The following ATXN7L1 variants were observed in gnomAD, a reference collection of about 807,000 sequenced individuals.
The protein encoded by ATXN7L1 is ataxin-7-like protein 1.
A neutral mutation model predicts 70.8 loss-of-function variants in ATXN7L1; 15 were observed. The observed-to-expected ratio is 0.21, with a 90% CI of 0.14 to 0.33. The LOEUF (loss-of-function observed/expected upper bound fraction) is 0.33. ATXN7L1 is among the 10% of genes least tolerant of loss of function. The pLI is 1.00. For synonymous variants in ATXN7L1, 440 were observed against 445.1 expected (o/e 0.99, Z 0.14); for missense variants, 975 against 1,097.1 (o/e 0.89, Z 1.57).
intron 4 of ATXN7L1, among the ~76,000 whole-genome samples, chr7:105,647,445 C>T (rs1244046976): frequency 6.6e-6 from 1 of 152,178 alleles, no homozygotes; most frequent in African/African-American, 2.4e-5. Flanking sequence ...GTCAGGAGTT[C>T]AAGACCAGCC....
chr7:105,642,030 A>G (rs567995166), intron 5 of ATXN7L1, among the ~76,000 whole-genome samples: 13 of 152,338 alleles, frequency 8.5e-5, no homozygotes, highest in African/African-American at 2.9e-4. Flanking sequence ...GGCCACCATC[A>G]GGGAGTGCCC....
At chr7:105,872,333 T>C (rs1451552874) in intron 2 of ATXN7L1, among the ~76,000 whole-genome samples, 1 of 152,168 alleles carries the variant, frequency 6.6e-6, no homozygotes, top group Non-Finnish European at 1.5e-5. Context: ...GCCTAACTTC[T>C]CTTCCTGAGT....
rs117350118 is a variant in ATXN7L1 at position 105,799,233 on chromosome 7, C to T, written c.251-10525G>A. 2.0e-5 allele frequency among the ~76,000 whole-genome samples: 3 copies of T among 152,348 alleles called. No homozygotes were observed. In the East Asian group the frequency reaches 5.8e-4, roughly 29 times the overall value. ...GGCCTTTGCCAGTGGGACTGCATCG[C>T]AGCAGGCCTCAGCTGTCAAGCTATT... On this transcript the variant is annotated intron_variant, in intron 2 of 11. Coordinates refer to ENST00000419735, the MANE Select transcript of ATXN7L1 (RefSeq NM_020725.2).
intron 3 of ATXN7L1, among the ~76,000 whole-genome samples, chr7:105,692,370 T>TTCC (rs1791006818): frequency 1.7e-4 from 16 of 94,604 alleles, no homozygotes; most frequent in African/African-American, 6.0e-4. Context: ...AATTTCTTTC[T>TTCC]TTCCTTCCTT....
intron 8 of ATXN7L1, among the ~76,000 whole-genome samples, chr7:105,622,501 C>T (rs1795080164): frequency 6.6e-6 from 1 of 152,252 alleles, no homozygotes; most frequent in Non-Finnish European, 1.5e-5. Context: ...GTGGCAGACC[C>T]TACTGGTTGC....
intron 3 of ATXN7L1, among the ~76,000 whole-genome samples, chr7:105,745,718 AG>A (rs1798512777): frequency 6.6e-6 from 1 of 152,128 alleles, no homozygotes; most frequent in South Asian, 2.1e-4. Flanking sequence ...GCCTGTTGGG[AG>A]GGGCAGGAGG....
intron 3 of ATXN7L1, 44 bp downstream of exon 3, chr7:105,788,560 G>A: frequency 1.3e-6 from 2 of 1,483,318 alleles, no homozygotes; most frequent in Non-Finnish European, 1.9e-6. Flanking sequence ...CTGTCCCCAG[G>A]GCGGCAGCTG....
At chr7:105,833,584 A>G (rs1449737095) in intron 2 of ATXN7L1, among the ~76,000 whole-genome samples, 1 of 150,772 alleles carries the variant, frequency 6.6e-6, no homozygotes, top group South Asian at 2.1e-4. Context: ...AATGTTCTAT[A>G]TCTTAATAGG....
chr7:105,670,018 G>C (rs1803297262), intron 3 of ATXN7L1, among the ~76,000 whole-genome samples: 1 of 152,112 alleles, frequency 6.6e-6, no homozygotes, highest in Non-Finnish European at 1.5e-5. Context: ...TTTGAAAATG[G>C]GTAGAACTGA....
chr7:105,701,942 A>G (rs1792514023), intron 3 of ATXN7L1, among the ~76,000 whole-genome samples: 1 of 152,178 alleles, frequency 6.6e-6, no homozygotes, highest in Admixed American at 6.5e-5. Context: ...CCCTGATGGA[A>G]TTATGGAGGT....
At chr7:105,681,820 C>G (rs1388736263) in intron 3 of ATXN7L1, among the ~76,000 whole-genome samples, 1 of 152,090 alleles carries the variant, frequency 6.6e-6, no homozygotes, top group African/African-American at 2.4e-5. Context: ...ACATGAGGTG[C>G]TCGAGATAGT....
At chr7:105,734,610 C>A (rs1797172842) in intron 3 of ATXN7L1, among the ~76,000 whole-genome samples, 1 of 151,766 alleles carries the variant, frequency 6.6e-6, no homozygotes, top group Admixed American at 6.6e-5. Context: ...GTGTGCTGTT[C>A]TGAAGTTTTA....
intron 3 of ATXN7L1, among the ~76,000 whole-genome samples, chr7:105,728,040 T>TAG (rs1796118728): frequency 6.6e-6 from 1 of 151,990 alleles, no homozygotes; most frequent in Non-Finnish European, 1.5e-5. Flanking sequence ...AAAGTATGAC[T>TAG]GTACTACTTT....
chr7:105,654,905 T>C (rs933510501), intron 4 of ATXN7L1, among the ~76,000 whole-genome samples: 17 of 142,742 alleles, frequency 1.2e-4, no homozygotes, highest in Non-Finnish European at 2.3e-4. Flanking sequence ...TACGCCTGGC[T>C]AATTTTTTTT....
At chr7:105,696,455 A>G (rs757840342) in intron 3 of ATXN7L1, among the ~76,000 whole-genome samples, 1 of 152,228 alleles carries the variant, frequency 6.6e-6, no homozygotes, top group Non-Finnish European at 1.5e-5. Context: ...TTCTTTGATC[A>G]TAGAGCCCCA....
intron 2 of ATXN7L1, among the ~76,000 whole-genome samples, chr7:105,814,659 T>C (rs942651757): frequency 2.6e-5 from 4 of 152,156 alleles, no homozygotes; most frequent in African/African-American, 9.7e-5. Context: ...AGAAATCCTT[T>C]AAAATACAAG....
chr7:105,613,216 C>T (rs117291122), intron 10 of ATXN7L1, among the ~76,000 whole-genome samples: 251 of 152,358 alleles, frequency 1.6e-3, no homozygotes, highest in Non-Finnish European at 2.7e-3. Flanking sequence ...TCAGCTTCCT[C>T]ACCATACACA....
At chr7:105,734,514 C>A (rs994832369) in intron 3 of ATXN7L1, among the ~76,000 whole-genome samples, 18 of 152,196 alleles carry the variant, frequency 1.2e-4, no homozygotes, top group Non-Finnish European at 2.4e-4. Context: ...AGTAGACCAT[C>A]AATAATCTTT....
At chr7:105,761,021 G>T in intron 3 of ATXN7L1, 1 of 352,638 alleles carries the variant, frequency 2.8e-6, no homozygotes, top group Non-Finnish European at 4.1e-6. Flanking sequence ...ATGACATGAT[G>T]AACTTTGATT....
Sources: gnomAD v4.1 joint callset for allele counts (sites outside exome capture counted in the v4.1 genomes callset) on GRCh38, gnomAD v4.1.1 for gene constraint, MANE v1.5 for transcripts, NCBI Gene and HGNC (gene_info 2026-07-23, HGNC 2026-07-21) for gene names.